The following RUNX1 variants were observed in gnomAD, a reference collection of about 807,000 sequenced individuals.
RUNX1 encodes RUNX family transcription factor 1, also known as runt-related transcription factor 1.
In RUNX1, 19 loss-of-function variants were observed where a neutral mutation model predicts 42.8. The observed-to-expected ratio is 0.44, with a 90% CI of 0.31 to 0.65. RUNX1 has a LOEUF of 0.65. Among genes scored for constraint, RUNX1 ranks in the 30% least tolerant of loss-of-function variants. The pLI is 0.07. For synonymous variants in RUNX1, 271 were observed against 289.4 expected (o/e 0.94, Z 0.64); for missense variants, 528 against 672.0 (o/e 0.79, Z 2.37).
chr21:35,020,666 C>T (rs529172639), intron 2 of RUNX1, among the ~76,000 whole-genome samples: 50 of 152,224 alleles, frequency 3.3e-4, no homozygotes, highest in African/African-American at 1.2e-3. Context: ...TCGACTTCCT[C>T]CTCTTGCCCC....
intron 2 of RUNX1, among the ~76,000 whole-genome samples, chr21:34,921,594 G>A (rs182847009): frequency 2.4e-3 from 361 of 152,026 alleles, no homozygotes; most frequent in African/African-American, 8.2e-3. Context: ...GAACAAGAGT[G>A]CACAAATATA....
intron 2 of RUNX1, among the ~76,000 whole-genome samples, chr21:34,936,429 G>A (rs1672403212): frequency 1.3e-5 from 2 of 152,188 alleles, no homozygotes; most frequent in Admixed American, 1.3e-4. Flanking sequence ...ACTTGCTGGC[G>A]AGAAATCTAA....
In RUNX1 at chr21:34,964,527, C is replaced by CA. The variant is rs575425827; in HGVS notation, c.59-71565dup. Among the ~76,000 whole-genome samples the CA allele has an allele frequency of 2.3e-4, 35 of 150,958 alleles. No homozygotes were observed. The East Asian group carries it at 6.4e-3, about 28-fold the overall frequency. On this transcript the variant is annotated intron_variant, in intron 2 of 8. Coordinates refer to ENST00000675419, the MANE Select transcript of RUNX1 (RefSeq NM_001754.5). ...AAGAAAAGAAAAGAAGTTCAGATGA[C>CA]AAAGGAAGGTTGTGTGCTTTTTGGC...
chr21:34,789,646 C>T lies in RUNX1; in HGVS notation c.*2489G>A, dbSNP rs919434615. On this transcript the variant is annotated 3_prime_UTR_variant, in exon 9 of 9. Transcript: ENST00000675419. ...CAAAAATGTGTTGCGTGAGACCTAT[C>T]GCCAAAACAACTACAGTTTGATTTT... 1.3e-4 allele frequency: 30 copies of T among 233,410 alleles called. No individual in the cohort carries two copies. Among genetic ancestry groups the T allele is most frequent in the Admixed American group, 2.8e-4 (5 of 17,792 alleles). 14.5% of individuals were successfully genotyped at this position (233,410 alleles called of 1,614,324 possible).
chr21:35,025,265 C>T (rs942335372), intron 2 of RUNX1, among the ~76,000 whole-genome samples: 1 of 152,232 alleles, frequency 6.6e-6, no homozygotes, highest in Admixed American at 6.5e-5. Flanking sequence ...TTTAAAATAT[C>T]TCCATGAGGA....
intron 2 of RUNX1, among the ~76,000 whole-genome samples, chr21:34,949,118 A>G (rs1477542587): frequency 6.6e-6 from 1 of 152,108 alleles, no homozygotes; most frequent in Non-Finnish European, 1.5e-5. Context: ...ATCCCCCCAA[A>G]CAGCTACACT....
chr21:34,916,215 T>A (rs1307549235), intron 2 of RUNX1, among the ~76,000 whole-genome samples: 1 of 152,218 alleles, frequency 6.6e-6, no homozygotes, highest in Non-Finnish European at 1.5e-5. Flanking sequence ...AATGCAGGGC[T>A]GCATTACAGC....
intron 6 of RUNX1, among the ~76,000 whole-genome samples, chr21:34,842,666 G>A (rs545220988): frequency 1.6e-4 from 24 of 152,060 alleles, no homozygotes; most frequent in African/African-American, 5.1e-4. Flanking sequence ...CCTCTCACAC[G>A]CACACACAGA....
chr21:34,892,817 GTTAAA>G, intron 3 of RUNX1, 103 bp downstream of exon 3: 1 of 710,490 alleles, frequency 1.4e-6, no homozygotes, highest in Non-Finnish European at 2.5e-6. Flanking sequence ...TAATTATTTG[GTTAAA>G]TTATATCACA....
At position 34,887,220 on chromosome 21, in the gene RUNX1, G is replaced by A. The variant is rs1404994096; in HGVS notation, c.98-124C>T. ...CCGGGAGACCAACATACACGTTCAGGGGCCTTTATTACTGCGGGGGGTGGG... is the reference window on the plus strand; with the variant it reads ...CCGGGAGACCAACATACACGTTCAGAGGCCTTTATTACTGCGGGGGGTGGG... On this transcript the variant is annotated intron_variant, in intron 3 of 8. Coordinates refer to ENST00000675419, the MANE Select transcript of RUNX1 (RefSeq NM_001754.5). 9.6e-6 allele frequency: 12 copies of A among 1,254,718 alleles called. No individual in the cohort carries two copies. The African/African-American group carries it at 1.7e-4, about 17-fold the overall frequency. 77.7% of individuals were successfully genotyped at this position (1,254,718 alleles called of 1,614,324 possible).
chr21:35,046,554 A>G (rs148890476), intron 2 of RUNX1, among the ~76,000 whole-genome samples: 4 of 152,300 alleles, frequency 2.6e-5, no homozygotes, highest in African/African-American at 9.6e-5. Context: ...ACTCTGGGGG[A>G]GAGCCATTTG....
At chr21:34,962,580 TG>T (rs2058689173) in intron 2 of RUNX1, among the ~76,000 whole-genome samples, 1 of 116,874 alleles carries the variant, frequency 8.6e-6, no homozygotes, top group East Asian at 3.1e-4. Context: ...GTTGTTTGTG[TG>T]TTTTTTCTTT....
intron 2 of RUNX1, among the ~76,000 whole-genome samples, chr21:34,894,388 A>G (rs898614940): frequency 1.3e-5 from 2 of 152,290 alleles, no homozygotes; most frequent in South Asian, 2.1e-4. Flanking sequence ...AAGGGCAAAA[A>G]TGAGTGGATT....
intron 3 of RUNX1, chr21:34,889,804 G>T: frequency 8.9e-7 from 1 of 1,129,160 alleles, no homozygotes; most frequent in Non-Finnish European, 1.1e-6. Context: ...CCCGCCCGGC[G>T]GGGCTCCCTC....
chr21:35,036,983 G>A (rs1568804896), intron 2 of RUNX1, among the ~76,000 whole-genome samples: 1 of 152,168 alleles, frequency 6.6e-6, no homozygotes, highest in Non-Finnish European at 1.5e-5. Context: ...GGTTTCTTCT[G>A]TACATGTGTT....
rs567986223 is a variant in RUNX1, at chr21:34,983,021, C to A, written c.58+65821G>T. ...TGTTTCCCAAGTGAATCTTTAGGAACATTCCAGGCACCTAGTTCTTCATCC... is the reference window on the plus strand; with the variant it reads ...TGTTTCCCAAGTGAATCTTTAGGAAAATTCCAGGCACCTAGTTCTTCATCC... On this transcript the variant is annotated intron_variant, in intron 2 of 8. Coordinates refer to ENST00000675419, the MANE Select transcript of RUNX1 (RefSeq NM_001754.5). Among the ~76,000 whole-genome samples the A allele has an allele frequency of 1.1e-4, 17 of 152,328 alleles. No homozygotes were observed. The South Asian group carries it at 3.5e-3, about 32-fold the overall frequency.
chr21:35,038,607 C>CTGTGTGTG (rs768066971), intron 2 of RUNX1: 63 of 296,562 alleles, frequency 2.1e-4, no homozygotes, highest in Admixed American at 8.0e-4. Context: ...CTCTCTCTCT[C>CTGTGTGTG]TCTCTCTGTG....
chr21:34,997,892 G>C (rs989414027), intron 2 of RUNX1, among the ~76,000 whole-genome samples: 91 of 152,256 alleles, frequency 6.0e-4, no homozygotes, highest in African/African-American at 2.0e-3. Flanking sequence ...GGCCTTTTCT[G>C]TGCATTTGGG....
At chr21:34,948,312 C>A (rs984869490) in intron 2 of RUNX1, among the ~76,000 whole-genome samples, 1 of 152,118 alleles carries the variant, frequency 6.6e-6, no homozygotes, top group African/African-American at 2.4e-5. Context: ...ATGCCGGGGG[C>A]CTTGTGGAAG....
Sources: allele counts gnomAD v4.1 joint callset (sites outside exome capture counted in the v4.1 genomes callset), GRCh38; gene constraint gnomAD v4.1.1; transcripts MANE v1.5; gene names NCBI Gene and HGNC (gene_info 2026-07-23, HGNC 2026-07-21).